Variants in DNAH9 observed in about 807,000 individuals in gnomAD.
The protein encoded by DNAH9 is DNAH9 variant protein.
In DNAH9, 345 loss-of-function variants were observed where a neutral mutation model predicts 471.6. The observed-to-expected ratio is 0.73, with a 90% CI of 0.67 to 0.80. The LOEUF is 0.80. Ranked by LOEUF, DNAH9 falls within the 30% of genes least tolerant of loss-of-function variation. DNAH9 has a pLI of 0.00. For synonymous variants in DNAH9, 2,093 were observed against 2,123.6 expected, an observed-to-expected ratio of 0.99 and a Z score of 0.40; for missense variants, 5,407 against 5,609.2, an observed-to-expected ratio of 0.96 and a Z score of 1.15.
At chr17:11,738,774 A>G (rs1217807987) in intron 28 of DNAH9, 106 bp from the exon 29 acceptor site, 1 of 956,502 alleles carries the variant, frequency 1.0e-6, no homozygotes, top group East Asian at 2.4e-5. Context: ...AAGGGTCCAC[A>G]GGACAGTTCT....
At chr17:11,632,461 A>G in intron 7 of DNAH9, 126 bp from the exon 8 acceptor site, 1 of 616,920 alleles carries the variant, frequency 1.6e-6, no homozygotes, top group South Asian at 2.2e-5. Context: ...GCCATGGTGA[A>G]TTTCAGAAAA....
intron 67 of DNAH9, among the ~76,000 whole-genome samples, chr17:11,954,872 T>C (rs982205247): frequency 6.6e-6 from 1 of 152,048 alleles, no homozygotes; most frequent in Non-Finnish European, 1.5e-5. Flanking sequence ...TCTCCACAGA[T>C]GGTAAATATG....
At chr17:11,728,669 C>T (rs2075200588) in intron 28 of DNAH9, among the ~76,000 whole-genome samples, 1 of 152,050 alleles carries the variant, frequency 6.6e-6, no homozygotes, top group Non-Finnish European at 1.5e-5. Context: ...GGATTTGGGT[C>T]AGGATCCCAT....
chr17:11,653,970 G>T (rs17528748), intron 14 of DNAH9, among the ~76,000 whole-genome samples: 1 of 151,662 alleles, frequency 6.6e-6, no homozygotes, highest in African/African-American at 2.4e-5. Context: ...GCACTGTATC[G>T]AATACCAAGA....
At chr17:11,600,224 T>A in intron 1 of DNAH9, among the ~76,000 whole-genome samples, 1 of 152,212 alleles carries the variant, frequency 6.6e-6, no homozygotes, top group East Asian at 1.9e-4. Context: ...GCTTCTCTAA[T>A]GAATGTTGAC....
intron 49 of DNAH9, among the ~76,000 whole-genome samples, chr17:11,850,431 T>C (rs151232241): frequency 0.019 from 2,881 of 152,172 alleles, 90 homozygotes; most frequent in African/African-American, 0.065. Context: ...GGTGGATCAT[T>C]TGAGGTCAGG....
At chr17:11,764,318 CAAT>C (rs1477596541) in intron 36 of DNAH9, among the ~76,000 whole-genome samples, 2 of 152,036 alleles carry the variant, frequency 1.3e-5, no homozygotes, top group Non-Finnish European at 2.9e-5. Context: ...GAAAAATATT[CAAT>C]ATTATGCAAA....
chr17:11,712,827 G>T (rs1242302351), intron 26 of DNAH9, among the ~76,000 whole-genome samples: 3 of 150,688 alleles, frequency 2.0e-5, no homozygotes, highest in African/African-American at 4.9e-5. Flanking sequence ...AAATGTGTTT[G>T]CAGATATTTT....
intron 48 of DNAH9, among the ~76,000 whole-genome samples, chr17:11,824,711 G>T (rs1043591521): frequency 2.0e-5 from 3 of 151,856 alleles, no homozygotes; most frequent in Non-Finnish European, 4.4e-5. Context: ...CAACCCTTTC[G>T]CATTTTATCC....
intron 33 of DNAH9, among the ~76,000 whole-genome samples, chr17:11,753,879 A>T (rs1016030692): frequency 6.6e-6 from 1 of 152,178 alleles, no homozygotes; most frequent in East Asian, 1.9e-4. Flanking sequence ...AACTCATGTC[A>T]CAGGGGTTTG....
At position 11,868,722 on chromosome 17, in the gene DNAH9, C is replaced by T. The variant is rs547073775; in HGVS notation, c.9934-412C>T. Among the ~76,000 whole-genome samples, 25 of 152,140 alleles carry T rather than the reference C, an allele frequency of 1.6e-4. No individual in the cohort carries two copies. In the South Asian group the frequency reaches 4.8e-3, roughly 29 times the overall value. On this transcript the variant is annotated intron_variant, in intron 50 of 68. Coordinates refer to ENST00000262442, the MANE Select transcript of DNAH9 (RefSeq NM_001372.4). ...TGTGTTCTTGCTTCTAATAGCAGCACCTGCACCATTTTGTCAGGCTACTGG... is the reference window on the plus strand; with the variant it reads ...TGTGTTCTTGCTTCTAATAGCAGCATCTGCACCATTTTGTCAGGCTACTGG...
chr17:11,949,692 G>A (rs1440718665), intron 67 of DNAH9, among the ~76,000 whole-genome samples: 1 of 152,114 alleles, frequency 6.6e-6, no homozygotes, highest in Non-Finnish European at 1.5e-5. Flanking sequence ...TGTTGGTCAG[G>A]CTGGTCTCAA....
chr17:11,749,120 T>C (rs1199137555), intron 32 of DNAH9, among the ~76,000 whole-genome samples: 1 of 128,918 alleles, frequency 7.8e-6, no homozygotes, highest in East Asian at 2.8e-4. Context: ...AGACTCACTC[T>C]GTCGCCCAGG....
chr17:11,933,581 T>C (rs1220658748), intron 64 of DNAH9, among the ~76,000 whole-genome samples: 2 of 151,994 alleles, frequency 1.3e-5, no homozygotes, highest in Non-Finnish European at 2.9e-5. Flanking sequence ...GGTTTCTCCA[T>C]GTTGGTCAGG....
chr17:11,853,242 G>A (rs1340612959), intron 49 of DNAH9: 2 of 152,156 alleles, frequency 1.3e-5, no homozygotes, highest in Admixed American at 6.5e-5. Flanking sequence ...CCCTACACCT[G>A]ATTGTAGGCT....
At chr17:11,608,929 G>GT (rs1259621105) in intron 2 of DNAH9, among the ~76,000 whole-genome samples, 1 of 152,068 alleles carries the variant, frequency 6.6e-6, no homozygotes, top group African/African-American at 2.4e-5. Context: ...TGAATCCACC[G>GT]TCAGCTTCTG....
chr17:11,606,590 C>T (rs748130967), intron 1 of DNAH9, among the ~76,000 whole-genome samples: 31 of 118,606 alleles, frequency 2.6e-4, no homozygotes, highest in Non-Finnish European at 5.0e-4. Flanking sequence ...GCTGGGACTA[C>T]AGGCACGTGC....
intron 61 of DNAH9, among the ~76,000 whole-genome samples, chr17:11,916,097 T>C (rs1345137691): frequency 6.6e-6 from 1 of 152,236 alleles, no homozygotes; most frequent in African/African-American, 2.4e-5. Flanking sequence ...CTGGAGGCTT[T>C]GTTCCTTTTA....
intron 62 of DNAH9, among the ~76,000 whole-genome samples, chr17:11,928,304 A>C (rs548156007): frequency 6.6e-6 from 1 of 152,198 alleles, no homozygotes; most frequent in South Asian, 2.1e-4. Flanking sequence ...TTCTTTGGTT[A>C]TCTGCAGCCA....
Sources: gnomAD v4.1 joint callset for allele counts (sites outside exome capture counted in the v4.1 genomes callset) on GRCh38, gnomAD v4.1.1 for gene constraint, MANE v1.5 for transcripts, NCBI Gene and HGNC (gene_info 2026-07-23, HGNC 2026-07-21) for gene names.